ZNRF2: variants seen among roughly 807,000 people sequenced by gnomAD.
ZNRF2 encodes the protein E3 ubiquitin-protein ligase ZNRF2.
Under a neutral mutation model 20.4 loss-of-function variants are expected in ZNRF2, and 16 were observed. That is an observed-to-expected ratio of 0.79 (90% CI 0.53 to 1.19). ZNRF2 has a LOEUF of 1.19. Ranked by LOEUF, ZNRF2 falls within the 50% of genes most tolerant of loss-of-function variation. ZNRF2 has a pLI of 0.00. For synonymous variants in ZNRF2, 178 were observed against 144.9 expected (o/e 1.23, Z -1.64); for missense variants, 363 against 332.4 (o/e 1.09, Z -0.72).
At chr7:30,359,915 C>CAA (rs1455738776) in intron 3 of ZNRF2, among the ~76,000 whole-genome samples, 3 of 152,138 alleles carry the variant, frequency 2.0e-5, no homozygotes. Context: ...CAGTGTTTAT[C>CAA]AAAAGCCTGT....
intron 2 of ZNRF2, among the ~76,000 whole-genome samples, chr7:30,349,010 A>G (rs1018608996): frequency 1.3e-5 from 2 of 152,334 alleles, no homozygotes; most frequent in Admixed American, 6.5e-5. Context: ...AAATGTAATG[A>G]TAGTTCTGAT....
At chr7:30,353,072 A>G (rs1799983192) in intron 2 of ZNRF2, among the ~76,000 whole-genome samples, 1 of 152,122 alleles carries the variant, frequency 6.6e-6, no homozygotes, top group Admixed American at 6.5e-5. Flanking sequence ...TTCAAAACTG[A>G]AAATATTTTT....
chr7:30,340,899 A>C (rs957455931), intron 2 of ZNRF2, among the ~76,000 whole-genome samples: 3 of 152,094 alleles, frequency 2.0e-5, no homozygotes, highest in Non-Finnish European at 4.4e-5. Flanking sequence ...TAGGCTATTA[A>C]TTACTGCCTC....
Position 30,285,833 on chromosome 7 carries a change from A to G in ZNRF2, c.469+7A>G. 6.7e-7 allele frequency: 1 copy of G among 1,495,172 alleles called. No individual in the cohort carries two copies. The highest frequency in any genetic ancestry group is 8.8e-7 in the Non-Finnish European group (1 of 1,131,054). The allele number at this position is 1,495,172 out of a possible 1,614,324, so 92.6% of individuals were successfully genotyped here. On this transcript the variant is annotated splice_region_variant and intron_variant, in intron 1 of 4. Coordinates refer to ENST00000323037, the MANE Select transcript of ZNRF2 (RefSeq NM_147128.4). ...TCGCCGCACATGTTTGGAGGTACGG[A>G]CCCCTCTCCGCGCACCCGCGCTCGG... is the stretch of plus-strand genomic sequence containing the variant.
chr7:30,362,540 T>TGCACCTCAATGAGTAAA, intron 4 of ZNRF2, 84 bp downstream of exon 4: 7 of 776,100 alleles, frequency 9.0e-6, no homozygotes, highest in South Asian at 2.1e-5. Context: ...CATTTACTCA[T>TGCACCTCAATGAGTAAA]TGAGGTGCAT....
intron 2 of ZNRF2, among the ~76,000 whole-genome samples, chr7:30,326,217 C>G (rs115112447): frequency 0.03 from 4,556 of 152,128 alleles, 168 homozygotes; most frequent in African/African-American, 0.089. Flanking sequence ...GTTTGTTCTA[C>G]AGATATTTTG....
chr7:30,361,126 A>T (rs973252580), intron 3 of ZNRF2, among the ~76,000 whole-genome samples: 5 of 152,182 alleles, frequency 3.3e-5, no homozygotes, highest in East Asian at 3.9e-4. Context: ...TACTATTCAG[A>T]TATATTATGA....
In ZNRF2 at chr7:30,367,441, T is replaced by A. The variant is rs911249337; in HGVS notation, c.*1429T>A. ...TGTTATCAGTGAATAGGTGGTGTAC[T>A]TTACTTGGTATAATTTAAAGTTGCA... On this transcript the variant is annotated 3_prime_UTR_variant, in exon 5 of 5. Transcript: ENST00000323037. 6.6e-6 allele frequency: 1 copy of A among 152,410 alleles called. No individual in the cohort carries two copies. The highest frequency in any genetic ancestry group is 1.5e-5 in the Non-Finnish European group (1 of 67,900). The allele number at this position is 152,410 out of a possible 1,614,324, so 9.4% of individuals were successfully genotyped here.
chr7:30,323,805 C>A, intron 2 of ZNRF2, 68 bp downstream of exon 2: 1 of 1,081,350 alleles, frequency 9.2e-7, no homozygotes, highest in South Asian at 1.9e-5. Context: ...TTTCATGTTT[C>A]AAGTATAATT....
intron 1 of ZNRF2, among the ~76,000 whole-genome samples, chr7:30,301,623 C>A (rs970531183): frequency 6.7e-6 from 1 of 149,036 alleles, no homozygotes; most frequent in African/African-American, 2.5e-5. Context: ...GTCAGTCAAA[C>A]TAGCTTTAGA....
chr7:30,362,860 G>A (rs1479571083), intron 4 of ZNRF2, among the ~76,000 whole-genome samples: 2 of 152,196 alleles, frequency 1.3e-5, no homozygotes, highest in Non-Finnish European at 2.9e-5. Flanking sequence ...GCTCACACCT[G>A]TAATCCCAGC....
intron 1 of ZNRF2, among the ~76,000 whole-genome samples, chr7:30,323,248 A>G (rs555749840): frequency 6.6e-6 from 1 of 152,332 alleles, no homozygotes; most frequent in East Asian, 1.9e-4. Flanking sequence ...TGTGACTCAC[A>G]GTGTACTATA....
intron 1 of ZNRF2, among the ~76,000 whole-genome samples, chr7:30,315,797 G>T (rs1056740381): frequency 2.0e-5 from 3 of 146,798 alleles, no homozygotes; most frequent in Non-Finnish European, 3.0e-5. Context: ...GACATTTAAT[G>T]AGTCATTACA....
chr7:30,363,468 C>A (rs1342908869), intron 4 of ZNRF2, among the ~76,000 whole-genome samples: 1 of 152,090 alleles, frequency 6.6e-6, no homozygotes, highest in Non-Finnish European at 1.5e-5. Context: ...AATTTGAACC[C>A]AGGTATTCTG....
intron 1 of ZNRF2, among the ~76,000 whole-genome samples, chr7:30,294,973 T>TAGGGAGAGAGGGAGGGGGACAG (rs1798984856): frequency 1.5e-5 from 2 of 135,194 alleles, no homozygotes; most frequent in African/African-American, 5.6e-5. Context: ...AGCTGAAATT[T>TAGGGAGAGAGGGAGGGGGACAG]AGAGAGAGAG....
At chr7:30,301,700 T>TAAAAA (rs61418583) in intron 1 of ZNRF2, among the ~76,000 whole-genome samples, 1 of 115,700 alleles carries the variant, frequency 8.6e-6, no homozygotes, top group Non-Finnish European at 1.8e-5. Context: ...AGGCTTTTTT[T>TAAAAA]AAAAAAAAAA....
Position 30,289,508 on chromosome 7 carries a change from G to C in ZNRF2, c.469+3682G>C, listed in dbSNP as rs555444021. ...TTGTGCCATTGAAGGCTTTTATGGG[G>C]AGTGGCCGAAGAGGAATGTTTGCCT... is the stretch of plus-strand genomic sequence containing the variant. On this transcript the variant is annotated intron_variant, in intron 1 of 4. Coordinates refer to ENST00000323037, the MANE Select transcript of ZNRF2 (RefSeq NM_147128.4). 5.9e-5 allele frequency among the ~76,000 whole-genome samples: 9 copies of C among 152,302 alleles called. No individual in the cohort carries two copies. The South Asian group carries it at 1.9e-3, about 32-fold the overall frequency.
chr7:30,362,726 C>T (rs1008088594), intron 4 of ZNRF2, among the ~76,000 whole-genome samples: 2 of 152,010 alleles, frequency 1.3e-5, no homozygotes, highest in African/African-American at 4.8e-5. Context: ...ACCAGCCTGG[C>T]CAACATGGTG....
chr7:30,309,004 A>G (rs1799251031), intron 1 of ZNRF2, among the ~76,000 whole-genome samples: 1 of 152,150 alleles, frequency 6.6e-6, no homozygotes, highest in African/African-American at 2.4e-5. Context: ...TCTCTGAATT[A>G]TTTTAAAGAC....
Sources: allele counts gnomAD v4.1 joint callset (sites outside exome capture counted in the v4.1 genomes callset), GRCh38; gene constraint gnomAD v4.1.1; transcripts MANE v1.5; gene names NCBI Gene and HGNC (gene_info 2026-07-23, HGNC 2026-07-21).